Variants in FSD2 observed in about 807,000 individuals in gnomAD.
The protein encoded by FSD2 is fibronectin type III and SPRY domain-containing protein 2.
In FSD2, 71 loss-of-function variants were observed where a neutral mutation model predicts 80.4. The observed-to-expected ratio is 0.88, with a 90% CI of 0.73 to 1.08. The LOEUF (loss-of-function observed/expected upper bound fraction) is 1.08. Ranked by LOEUF, FSD2 falls within the 50% of genes least tolerant of loss-of-function variation. FSD2 has a pLI of 0.00. For synonymous variants in FSD2, 361 were observed against 329.5 expected, an observed-to-expected ratio of 1.10 and a Z score of -1.03; for missense variants, 923 against 913.8, an observed-to-expected ratio of 1.01 and a Z score of -0.13.
Position 82,787,143 on chromosome 15 carries a change from T to C in FSD2, c.248A>G (p.Asp83Gly). The C allele has an allele frequency of 1.2e-6, 2 of 1,614,044 alleles. No homozygotes were observed. The highest frequency in any genetic ancestry group is 1.7e-6 in the Non-Finnish European group (2 of 1,179,906). The change falls in exon 2 of 13, where the codon GAT (aspartate) becomes GGT (glycine). Residue 83 changes from aspartate to glycine, a missense_variant. By Grantham distance (94) the Asp-to-Gly change is moderately conservative. Coordinates refer to ENST00000334574, the MANE Select transcript of FSD2 (RefSeq NM_001007122.4). Reference sequence around the variant, plus strand: ...AACAAACTCATCCCCTAATTCATGATCATCTTCAAGTCCATATAAGTGGAC... The same window carrying C: ...AACAAACTCATCCCCTAATTCATGACCATCTTCAAGTCCATATAAGTGGAC... ...ELVHLYGLED[D>G]HELGDEFVDE...
chr15:82,772,256 G>A (rs1239143063), intron 6 of FSD2, 28 bp from the exon 7 acceptor site: 1 of 1,585,350 alleles, frequency 6.3e-7, no homozygotes, highest in African/African-American at 1.3e-5. Flanking sequence ...AAAAGAAGAG[G>A]AACCTCTAAT....
In FSD2 at chr15:82,802,453, T is replaced by C. The variant is rs189230514; in HGVS notation, c.-79+3513A>G. Among the ~76,000 whole-genome samples, 807 of 152,304 alleles carry C rather than the reference T, an allele frequency of 5.3e-3. 2 individuals carry two copies. The highest frequency in any genetic ancestry group is 8.5e-3 in the Non-Finnish European group (579 of 68,022). ...ACAAAGTAATCAGAGCCTTCTGCCCTGAGAGGCCCTGAATCCTGCCTTCAC... is the reference window on the plus strand; with the variant it reads ...ACAAAGTAATCAGAGCCTTCTGCCCCGAGAGGCCCTGAATCCTGCCTTCAC... On this transcript the variant is annotated intron_variant, in intron 1 of 12. Transcript: ENST00000334574.
In FSD2 at chr15:82,758,429, C is replaced by T. The variant is rs1432247566; in HGVS notation, c.*919G>A. On this transcript the variant is annotated 3_prime_UTR_variant, in exon 13 of 13. Transcript: ENST00000334574. ...AGAGATCAGTCTTCCTTCCCGTGCT[C>T]AGCTTTGCCCTTTGGTGGGCTGTTA... 1 of 152,872 alleles carries T rather than the reference C, an allele frequency of 6.5e-6. No individual in the cohort carries two copies. The highest frequency in any genetic ancestry group is 2.4e-5 in the African/African-American group (1 of 41,462). 9.5% of individuals were successfully genotyped at this position (152,872 alleles called of 1,614,324 possible).
rs2049190974 is a variant in FSD2 at position 82,757,029 on chromosome 15, GC to G, written c.*2318del. ...TTTTTTACAAAAATACAAAAGTTTT[GC>G]TTGGTTCTGTTCTAGATGTTTTCTT... is the stretch of plus-strand genomic sequence containing the variant. On this transcript the variant is annotated 3_prime_UTR_variant, in exon 13 of 13. Coordinates refer to ENST00000334574, the MANE Select transcript of FSD2 (RefSeq NM_001007122.4). The G allele has an allele frequency of 6.6e-6, 1 of 152,064 alleles. No individual in the cohort carries two copies. The highest frequency in any genetic ancestry group is 6.6e-5 in the Admixed American group (1 of 15,262). The allele number at this position is 152,064 out of a possible 1,614,324, so 9.4% of individuals were successfully genotyped here.
Position 82,757,703 on chromosome 15 carries a change from T to G in FSD2, c.*1645A>C, listed in dbSNP as rs1250365895. On this transcript the variant is annotated 3_prime_UTR_variant, in exon 13 of 13. Transcript: ENST00000334574. ...AACTGGAACTATTTCTGTGCTTACA[T>G]CTGCTGTCCCTTGTTTCAGAGTAGA... 1 of 152,206 alleles carries G rather than the reference T, an allele frequency of 6.6e-6. No individual in the cohort carries two copies. 9.4% of individuals were successfully genotyped at this position (152,206 alleles called of 1,614,324 possible).
At chr15:82,784,020 A>G (rs1411417130) in intron 3 of FSD2, among the ~76,000 whole-genome samples, 1 of 152,128 alleles carries the variant, frequency 6.6e-6, no homozygotes, top group Non-Finnish European at 1.5e-5. Context: ...TCCTCATCAG[A>G]TGATGGGGAC....
At chr15:82,760,734 T>TAC (rs2049274852) in intron 12 of FSD2, among the ~76,000 whole-genome samples, 1 of 69,806 alleles carries the variant, frequency 1.4e-5, no homozygotes, top group Admixed American at 1.7e-4. Flanking sequence ...CGTGTGTGCG[T>TAC]GCACGCACAC....
At position 82,793,969 on chromosome 15, in the gene FSD2, C is replaced by T. The variant is rs575919676; in HGVS notation, c.-78-6501G>A. On this transcript the variant is annotated intron_variant, in intron 1 of 12. Transcript: ENST00000334574. The stretch of plus-strand genomic sequence containing the variant: ...CTGCTTTTGGTTTCTTTAATTTTCC[C>T]TATTGTTTTTCTGTTATCTATTTCA... Among the ~76,000 whole-genome samples, 68 of 151,830 alleles carry T rather than the reference C, an allele frequency of 4.5e-4. 1 individual carries two copies. The highest frequency in any genetic ancestry group is 1.5e-3 in the African/African-American group (63 of 41,430).
chr15:82,791,209 A>G (rs535689666), intron 1 of FSD2, among the ~76,000 whole-genome samples: 1 of 151,556 alleles, frequency 6.6e-6, no homozygotes, highest in Admixed American at 6.6e-5. Flanking sequence ...CGTGTTAGCC[A>G]GGATGGTCTC....
Position 82,755,841 on chromosome 15 carries a change from T to C in FSD2, c.*3507A>G, listed in dbSNP as rs1034624782. ...TTGGTTACAGTGAAACAAGCATATG[T>C]ACAGAGTTAATCTCCTATAGCTTGA... On this transcript the variant is annotated 3_prime_UTR_variant, in exon 13 of 13. Coordinates refer to ENST00000334574, the MANE Select transcript of FSD2 (RefSeq NM_001007122.4). 8.3e-6 allele frequency: 3 copies of C among 361,298 alleles called. No individual in the cohort carries two copies. The highest frequency in any genetic ancestry group is 6.0e-5 in the Admixed American group (2 of 33,248). 22.4% of individuals were successfully genotyped at this position (361,298 alleles called of 1,614,324 possible). A position where few individuals can be genotyped will look rare whatever the true frequency, so the allele number is the denominator to read the frequency against.
intron 7 of FSD2, among the ~76,000 whole-genome samples, chr15:82,771,179 G>C (rs1392433032): frequency 6.6e-6 from 1 of 152,194 alleles, no homozygotes; most frequent in Non-Finnish European, 1.5e-5. Context: ...CTGGTACAAT[G>C]AGCAGAACTT....
intron 1 of FSD2, among the ~76,000 whole-genome samples, chr15:82,789,674 G>A (rs2050093669): frequency 6.6e-6 from 1 of 152,144 alleles, no homozygotes; most frequent in Non-Finnish European, 1.5e-5. Context: ...GGTTTCAGTT[G>A]CCCTCTGAAG....
chr15:82,771,083 C>T (rs2049558091), intron 7 of FSD2, among the ~76,000 whole-genome samples: 1 of 152,042 alleles, frequency 6.6e-6, no homozygotes, highest in Non-Finnish European at 1.5e-5. Flanking sequence ...CTTAAATTTA[C>T]TCTTACTTTT....
chr15:82,767,933 C>T (rs1107116), intron 9 of FSD2, among the ~76,000 whole-genome samples: 49,618 of 152,034 alleles, frequency 0.33, 8,530 homozygotes, highest in African/African-American at 0.45. Context: ...AGCCCCTGGT[C>T]CTGGTGGCTG....
chr15:82,798,538 T>G (rs934720998), intron 1 of FSD2, among the ~76,000 whole-genome samples: 1 of 152,208 alleles, frequency 6.6e-6, no homozygotes, highest in Non-Finnish European at 1.5e-5. Context: ...TATTTTAACA[T>G]GACATATATA....
intron 6 of FSD2, 99 bp downstream of exon 6, chr15:82,778,667 G>T (rs543289566): frequency 1.5e-6 from 2 of 1,345,528 alleles, no homozygotes; most frequent in Non-Finnish European, 2.0e-6. Context: ...TTTAAAATTT[G>T]TTAAGAGGAT....
intron 5 of FSD2, 59 bp from the exon 6 acceptor site, chr15:82,778,946 A>G (rs2049786952): frequency 1.3e-6 from 2 of 1,582,074 alleles, no homozygotes; most frequent in African/African-American, 1.4e-5. Flanking sequence ...TAGGGTATAT[A>G]TATAGTGCTG....
At position 82,756,205 on chromosome 15, in the gene FSD2, G is replaced by T. The variant is rs920537053; in HGVS notation, c.*3143C>A. 8 of 285,168 alleles carry T rather than the reference G, an allele frequency of 2.8e-5. No individual in the cohort carries two copies. The highest frequency in any genetic ancestry group is 1.5e-4 in the African/African-American group (7 of 45,714). 17.7% of individuals were successfully genotyped at this position (285,168 alleles called of 1,614,324 possible). A position where few individuals can be genotyped will look rare whatever the true frequency, so the allele number is the denominator to read the frequency against. On this transcript the variant is annotated 3_prime_UTR_variant, in exon 13 of 13. Transcript: ENST00000334574. ...GATAGGAAGGTGACTAGAAATTGGC[G>T]AAGTTTTCTTGGTAAGTTGAGGAGA...
intron 6 of FSD2, 86 bp from the exon 7 acceptor site, chr15:82,772,314 C>G (rs2049601959): frequency 1.5e-5 from 20 of 1,325,994 alleles, no homozygotes; most frequent in Non-Finnish European, 1.9e-5. Flanking sequence ...ATTGATCCCC[C>G]CAATGAATCC....
Sources: allele counts gnomAD v4.1 joint callset (sites outside exome capture counted in the v4.1 genomes callset), GRCh38; gene constraint gnomAD v4.1.1; transcripts MANE v1.5; gene names NCBI Gene and HGNC (gene_info 2026-07-23, HGNC 2026-07-21).